Variants in ITFG1 observed in about 807,000 individuals in gnomAD.
ITFG1 encodes the protein integrin alpha FG-GAP repeat containing 1, also known as T-cell immunomodulatory protein.
Under a neutral mutation model 81.8 loss-of-function variants are expected in ITFG1, and 34 were observed. That is an observed-to-expected ratio of 0.42 (90% CI 0.32 to 0.55). The LOEUF is 0.55. ITFG1 is among the 20% of genes least tolerant of loss of function. The probability of loss-of-function intolerance (pLI) is 0.17; values close to 1 mark genes in which losing one functional copy is unlikely to be tolerated. For missense variants in ITFG1, 672 were observed against 755.4 expected (o/e 0.89, Z 1.29); for synonymous variants, 285 against 270.6 (o/e 1.05, Z -0.52).
At chr16:47,170,963 G>A (rs551641708) in intron 14 of ITFG1, among the ~76,000 whole-genome samples, 2 of 150,198 alleles carry the variant, frequency 1.3e-5, no homozygotes, top group South Asian at 4.2e-4. Context: ...TCAAACTCCT[G>A]ACCTCAGGTG....
intron 6 of ITFG1, among the ~76,000 whole-genome samples, chr16:47,412,642 C>T (rs1188171317): frequency 6.7e-6 from 1 of 149,974 alleles, no homozygotes; most frequent in Admixed American, 6.6e-5. Context: ...TTGCAGTGAG[C>T]CAAGATTTGC....
At chr16:47,450,340 T>C in intron 5 of ITFG1, 1 of 221,214 alleles carries the variant, frequency 4.5e-6, no homozygotes, top group South Asian at 4.5e-5. Flanking sequence ...CCATATTCTT[T>C]ATTAAAAACC....
At chr16:47,211,094 A>G (rs1291266207) in intron 14 of ITFG1, among the ~76,000 whole-genome samples, 1 of 152,178 alleles carries the variant, frequency 6.6e-6, no homozygotes, top group African/African-American at 2.4e-5. Flanking sequence ...GAATTGTGTT[A>G]AACCTGCAAG....
Position 47,459,091 on chromosome 16 carries a change from A to G in ITFG1, c.281+12T>C. Reference sequence around the variant, plus strand: ...ACTAAAGTTTTATCAAAATAATCATATTTGTACTTACTTGAAAGATACCTT... The same window carrying G: ...ACTAAAGTTTTATCAAAATAATCATGTTTGTACTTACTTGAAAGATACCTT... On this transcript the variant is annotated intron_variant, in intron 2 of 17. Coordinates refer to ENST00000320640, the MANE Select transcript of ITFG1 (RefSeq NM_030790.5). The G allele has an allele frequency of 6.8e-7, 1 of 1,459,958 alleles. No homozygotes were observed. The allele number at this position is 1,459,958 out of a possible 1,614,324, so 90.4% of individuals were successfully genotyped here.
intron 14 of ITFG1, among the ~76,000 whole-genome samples, chr16:47,204,169 C>T (rs1018171): frequency 0.12 from 17,769 of 152,178 alleles, 2,266 homozygotes; most frequent in African/African-American, 0.32. Flanking sequence ...ATATTATTAG[C>T]ATTTTTATCC....
At chr16:47,307,625 CTTCTT>C (rs1435770505) in intron 10 of ITFG1, among the ~76,000 whole-genome samples, 9 of 152,230 alleles carry the variant, frequency 5.9e-5, no homozygotes, top group Admixed American at 1.3e-4. Flanking sequence ...ATATTTCTTT[CTTCTT>C]TTAACATTTA....
intron 14 of ITFG1, among the ~76,000 whole-genome samples, chr16:47,214,136 G>A (rs1965597901): frequency 6.6e-6 from 1 of 152,124 alleles, no homozygotes; most frequent in Admixed American, 6.6e-5. Context: ...AGGTTGATGT[G>A]GGGTAAAACC....
rs1259916091 is a variant in ITFG1 at position 47,155,485 on chromosome 16, A to G, written c.*234T>C. The stretch of plus-strand genomic sequence containing the variant: ...GTACATGCAACACATTCCACAAAGG[A>G]ACAAAAATGTACAGCACTACAGAAT... On this transcript the variant is annotated 3_prime_UTR_variant, in exon 18 of 18. Coordinates refer to ENST00000320640, the MANE Select transcript of ITFG1 (RefSeq NM_030790.5). The G allele has an allele frequency of 1.9e-5, 6 of 308,118 alleles. No individual in the cohort carries two copies. The highest frequency in any genetic ancestry group is 2.9e-5 in the Non-Finnish European group (5 of 170,108). The allele number at this position is 308,118 out of a possible 1,614,324, so 19.1% of individuals were successfully genotyped here.
In ITFG1 at chr16:47,260,712, A is replaced by G. The variant is rs1261010382; in HGVS notation, c.1071-17T>C. 6.2e-6 allele frequency: 10 copies of G among 1,613,898 alleles called. No homozygotes were observed. Among genetic ancestry groups the G allele is most frequent in the Non-Finnish European group, 7.6e-6 (9 of 1,179,850 alleles). On this transcript the variant is annotated splice_polypyrimidine_tract_variant and intron_variant, in intron 10 of 17. Coordinates refer to ENST00000320640, the MANE Select transcript of ITFG1 (RefSeq NM_030790.5). ...TGCTGGTTGCTGTGCGCCAAAGGAA[A>G]GGCATTTCGTTAATATAAACATCAA...
chr16:47,301,727 G>A (rs542156559), intron 10 of ITFG1, among the ~76,000 whole-genome samples: 9 of 152,242 alleles, frequency 5.9e-5, no homozygotes, highest in African/African-American at 2.2e-4. Flanking sequence ...AATATTTCAT[G>A]ACTGACAAAT....
chr16:47,311,839 T>C (rs1967268760), intron 9 of ITFG1: 1 of 153,816 alleles, frequency 6.5e-6, no homozygotes, highest in African/African-American at 2.4e-5. Flanking sequence ...AGGAGGAAAG[T>C]TAGAACATGA....
intron 10 of ITFG1, among the ~76,000 whole-genome samples, chr16:47,292,311 C>G (rs1195230250): frequency 6.6e-6 from 1 of 152,146 alleles, no homozygotes; most frequent in Admixed American, 6.6e-5. Flanking sequence ...CGTGCCCAGC[C>G]TTTCCTTGCT....
intron 7 of ITFG1, among the ~76,000 whole-genome samples, chr16:47,366,819 A>T (rs922803833): frequency 1.3e-5 from 2 of 152,092 alleles, no homozygotes. Flanking sequence ...TGTCTGAGTA[A>T]AAAAATGAGC....
intron 12 of ITFG1, among the ~76,000 whole-genome samples, chr16:47,257,777 A>G (rs1220954149): frequency 6.6e-6 from 1 of 152,190 alleles, no homozygotes; most frequent in Non-Finnish European, 1.5e-5. Context: ...AGAAATGACA[A>G]CCCAGTAGCA....
intron 5 of ITFG1, among the ~76,000 whole-genome samples, chr16:47,436,720 G>C (rs1456987740): frequency 2.0e-5 from 3 of 152,076 alleles, no homozygotes; most frequent in Non-Finnish European, 4.4e-5. Context: ...AAAAATCACA[G>C]TTACTTATCA....
chr16:47,460,802 G>C (rs754661058), intron 1 of ITFG1, 36 bp downstream of exon 1: 1 of 1,605,744 alleles, frequency 6.2e-7, no homozygotes, highest in South Asian at 1.1e-5. Flanking sequence ...GAGGCACACG[G>C]ACAGCGAACA....
intron 6 of ITFG1, among the ~76,000 whole-genome samples, chr16:47,412,454 G>A (rs951875461): frequency 4.6e-5 from 7 of 152,106 alleles, no homozygotes; most frequent in African/African-American, 9.7e-5. Context: ...GGCTGGGCAC[G>A]GTGGCTCACT....
intron 5 of ITFG1, among the ~76,000 whole-genome samples, chr16:47,432,363 A>G (rs1969106790): frequency 6.6e-6 from 1 of 152,204 alleles, no homozygotes; most frequent in Admixed American, 6.5e-5. Context: ...TGAATTTGGT[A>G]TTGATGTCTT....
chr16:47,344,765 T>C (rs1364128732), intron 8 of ITFG1, among the ~76,000 whole-genome samples: 1 of 152,228 alleles, frequency 6.6e-6, no homozygotes, highest in Non-Finnish European at 1.5e-5. Context: ...CTACTGTCTA[T>C]GTCCATTTCA....
Sources: gnomAD v4.1 joint callset for allele counts (sites outside exome capture counted in the v4.1 genomes callset) on GRCh38, gnomAD v4.1.1 for gene constraint, MANE v1.5 for transcripts, NCBI Gene and HGNC (gene_info 2026-07-23, HGNC 2026-07-21) for gene names.